Variants in PREX2 observed in about 807,000 individuals in gnomAD.
The protein encoded by PREX2 is phosphatidylinositol 3,4,5-trisphosphate-dependent Rac exchanger 2 protein.
A neutral mutation model predicts 203.2 loss-of-function variants in PREX2; 107 were observed. The observed-to-expected ratio is 0.53, with a 90% confidence interval of 0.45 to 0.62. The LOEUF is 0.62. PREX2 is among the 20% of genes least tolerant of loss of function. PREX2 has a pLI of 0.00. For missense variants in PREX2, 1,777 were observed against 1,955.9 expected (o/e 0.91, Z 1.72); for synonymous variants, 672 against 663.6 (o/e 1.01, Z -0.19).
intron 11 of PREX2, 67 bp from the exon 12 acceptor site, chr8:68,068,966 T>G (rs755409848): frequency 3.9e-4 from 234 of 603,078 alleles, no homozygotes; most frequent in Admixed American, 8.9e-4. Context: ...TTTAATAAAT[T>G]TATTTGCTGT....
intron 10 of PREX2, among the ~76,000 whole-genome samples, chr8:68,057,849 A>G (rs1466230539): frequency 6.6e-6 from 1 of 152,174 alleles, no homozygotes; most frequent in Non-Finnish European, 1.5e-5. Context: ...TGTCTAGGGG[A>G]GCATAGCTAT....
intron 1 of PREX2, among the ~76,000 whole-genome samples, chr8:67,993,976 T>A (rs1806687064): frequency 6.6e-6 from 1 of 152,054 alleles, no homozygotes; most frequent in Admixed American, 6.6e-5. Context: ...CACTGATAAT[T>A]GAAGAGAGAA....
intron 1 of PREX2, among the ~76,000 whole-genome samples, chr8:68,000,370 C>T (rs769244102): frequency 4.6e-5 from 7 of 152,048 alleles, no homozygotes; most frequent in Admixed American, 1.3e-4. Context: ...AACAAACAAA[C>T]GTAGGTATAC....
At chr8:68,151,713 T>C (rs975570781) in intron 34 of PREX2, among the ~76,000 whole-genome samples, 1 of 151,804 alleles carries the variant, frequency 6.6e-6, no homozygotes, top group Non-Finnish European at 1.5e-5. Flanking sequence ...TTAAACCAAA[T>C]AGGATATGTG....
rs1813170596 is a variant in PREX2 at position 68,231,495 on chromosome 8, T to C, written c.*117T>C. 7.0e-6 allele frequency: 5 copies of C among 712,000 alleles called. No homozygotes were observed. The highest frequency in any genetic ancestry group is 5.7e-5 in the African/African-American group (3 of 52,204). The allele number at this position is 712,000 out of a possible 1,614,324, so 44.1% of individuals were successfully genotyped here. ...ATCAATGCTTTTTTTTTTTTTTTTT[T>C]CTGTAAATCTTTCTTCCCATTGCAA... On this transcript the variant is annotated 3_prime_UTR_variant, in exon 40 of 40. Transcript: ENST00000288368.
chr8:68,152,808 G>A (rs1307721869), intron 34 of PREX2, among the ~76,000 whole-genome samples: 1 of 152,150 alleles, frequency 6.6e-6, no homozygotes, highest in Non-Finnish European at 1.5e-5. Flanking sequence ...AGTTCTCCTG[G>A]CAAAGCTTCT....
At chr8:67,998,994 C>G (rs915852623) in intron 1 of PREX2, among the ~76,000 whole-genome samples, 2 of 152,120 alleles carry the variant, frequency 1.3e-5, no homozygotes, top group Non-Finnish European at 2.9e-5. Context: ...GATTTTGTAA[C>G]TTATGTAGCT....
In PREX2 at chr8:67,961,128, G is replaced by A. The variant is rs190015689; in HGVS notation, c.141+8593G>A. On this transcript the variant is annotated intron_variant, in intron 1 of 39. Transcript: ENST00000288368. ...TTTTAGTGTGATTATAGTTTCCTCAGCACTTGTTTTAAACAGCATTTTCTT... is the reference window on the plus strand; with the variant it reads ...TTTTAGTGTGATTATAGTTTCCTCAACACTTGTTTTAAACAGCATTTTCTT... Among the ~76,000 whole-genome samples, 520 of 151,816 alleles carry A rather than the reference G, an allele frequency of 3.4e-3. 5 individuals are homozygous for A. Among genetic ancestry groups the A allele is most frequent in the African/African-American group, 0.012 (490 of 41,392 alleles).
intron 4 of PREX2, among the ~76,000 whole-genome samples, chr8:68,026,400 C>G (rs190712774): frequency 2.0e-5 from 3 of 152,208 alleles, no homozygotes; most frequent in East Asian, 3.9e-4. Flanking sequence ...GAGGGGCTCT[C>G]TCTTCCCTCT....
chr8:68,161,073 T>C (rs1162321963), intron 35 of PREX2, among the ~76,000 whole-genome samples: 1 of 152,014 alleles, frequency 6.6e-6, no homozygotes, highest in Non-Finnish European at 1.5e-5. Context: ...TTTTAAAATT[T>C]TCTTTTCTTT....
intron 6 of PREX2, among the ~76,000 whole-genome samples, chr8:68,037,473 T>C (rs1013505514): frequency 6.6e-6 from 1 of 152,222 alleles, no homozygotes. Context: ...CCTCTGTTGA[T>C]GATTCAGGGC....
At chr8:68,065,302 G>T (rs1285989028) in intron 11 of PREX2, among the ~76,000 whole-genome samples, 1 of 152,164 alleles carries the variant, frequency 6.6e-6, no homozygotes, top group Non-Finnish European at 1.5e-5. Flanking sequence ...GATTATTAAG[G>T]TATAAAAATG....
At chr8:67,969,927 C>T (rs990602620) in intron 1 of PREX2, among the ~76,000 whole-genome samples, 3 of 152,166 alleles carry the variant, frequency 2.0e-5, no homozygotes, top group Non-Finnish European at 4.4e-5. Flanking sequence ...ATCTTATGCC[C>T]ATCATCTGAG....
intron 1 of PREX2, among the ~76,000 whole-genome samples, chr8:67,959,310 T>A: frequency 6.6e-6 from 1 of 151,912 alleles, no homozygotes; most frequent in East Asian, 1.9e-4. Flanking sequence ...GTCATTGGGG[T>A]TTTAGCTTCA....
chr8:68,202,059 C>A (rs563924467), intron 37 of PREX2, among the ~76,000 whole-genome samples: 1 of 151,960 alleles, frequency 6.6e-6, no homozygotes, highest in South Asian at 2.1e-4. Context: ...GCGCCCACCA[C>A]CCTGCCTATT....
At chr8:68,029,394 T>G (rs369470933) in intron 5 of PREX2, among the ~76,000 whole-genome samples, 76 of 152,276 alleles carry the variant, frequency 5.0e-4, no homozygotes, top group African/African-American at 1.7e-3. Context: ...TGGAGAAGCC[T>G]GCATGTCTCA....
intron 22 of PREX2, 45 bp downstream of exon 22, chr8:68,097,246 G>A (rs1253245867): frequency 2.0e-6 from 3 of 1,497,600 alleles, no homozygotes; most frequent in Non-Finnish European, 1.8e-6. Context: ...TCTAAATAAA[G>A]GAACTGAAAT....
Position 68,053,233 on chromosome 8 carries a change from A to G in PREX2, c.1080A>G (p.Arg360=). ...HEWFEAILKE[R]ERRKGLKLGM... ...GGTTTGAAGCTATTTTGAAAGAAAG[A>G]GAACGGCGGAAAGGTGGGTGTATGA... Residue 360 remains arginine, a synonymous_variant, in exon 9 of 40, where the codon AGA becomes AGG. Coordinates refer to ENST00000288368, the MANE Select transcript of PREX2 (RefSeq NM_024870.4). 1.2e-6 allele frequency: 2 copies of G among 1,613,640 alleles called. No homozygotes were observed. Among genetic ancestry groups the G allele is most frequent in the Non-Finnish European group, 1.7e-6 (2 of 1,179,654 alleles).
chr8:68,022,640 G>A (rs1050394887), intron 4 of PREX2, among the ~76,000 whole-genome samples: 2 of 152,004 alleles, frequency 1.3e-5, no homozygotes, highest in African/African-American at 2.4e-5. Context: ...TGGCTGTCAC[G>A]GGCAAACTAA....
Sources: gnomAD v4.1 joint callset for allele counts (sites outside exome capture counted in the v4.1 genomes callset) on GRCh38, gnomAD v4.1.1 for gene constraint, MANE v1.5 for transcripts, NCBI Gene and HGNC (gene_info 2026-07-23, HGNC 2026-07-21) for gene names.